The following MYLK variants were observed in gnomAD, a reference collection of about 807,000 sequenced individuals.
The protein encoded by MYLK is myosin light chain kinase.
A neutral mutation model predicts 203.4 loss-of-function variants in MYLK; 106 were observed. The ratio of observed to expected loss-of-function variants is 0.52; its 90% CI spans 0.45 to 0.61. The LOEUF (loss-of-function observed/expected upper bound fraction) is 0.61, where lower values mean the gene tolerates loss of function less well. MYLK is among the 20% of genes least tolerant of loss of function. MYLK has a pLI of 0.00. For missense variants in MYLK, 2,072 were observed against 2,442.3 expected (o/e 0.85, Z 3.20); for synonymous variants, 867 against 959.5 (o/e 0.90, Z 1.78).
intron 2 of MYLK, among the ~76,000 whole-genome samples, chr3:123,837,790 T>G (rs1322951871): frequency 6.6e-6 from 1 of 151,718 alleles, no homozygotes; most frequent in Non-Finnish European, 1.5e-5. Flanking sequence ...TTCAACAGGC[T>G]CACAAGCACA....
rs574031749 is a variant in MYLK at position 123,680,554 on chromosome 3, T to C, written c.3652+1670A>G. On this transcript the variant is annotated intron_variant, in intron 20 of 33. Transcript: ENST00000360304. Reference sequence around the variant, plus strand: ...TTATGTATGCATTTCCAACAACTTATTAAATGTCCATTCTTGATATTCTCA... The same window carrying C: ...TTATGTATGCATTTCCAACAACTTACTAAATGTCCATTCTTGATATTCTCA... 4.6e-5 allele frequency among the ~76,000 whole-genome samples: 7 copies of C among 152,352 alleles called. No individual in the cohort carries two copies. In the South Asian group the frequency reaches 8.3e-4, roughly 18 times the overall value.
At position 123,692,791 on chromosome 3, in the gene MYLK, C is replaced by G; in HGVS notation, c.3509G>C (p.Cys1170Ser). The G allele has an allele frequency of 6.2e-7, 1 of 1,614,092 alleles. No homozygotes were observed. The highest frequency in any genetic ancestry group is 8.5e-7 in the Non-Finnish European group (1 of 1,180,022). ...CTGGCCAGCGTCATTCTTGGCTACACACTTGTATAAGCCTCTGTCCTCAGG... is the reference window on the plus strand; with the variant it reads ...CTGGCCAGCGTCATTCTTGGCTACAGACTTGTATAAGCCTCTGTCCTCAGG... ...ALPEDRGLYK[C>S]VAKNDAGQAE... Residue 1170 changes from cysteine to serine, a missense_variant, in exon 19 of 34, where the codon TGT (cysteine) becomes TCT (serine). Around this residue, in one of 3 missense-constraint regions of MYLK, gnomAD observed 865 missense variants for 1,016.0 expected, o/e 0.85. Coordinates refer to ENST00000360304, the MANE Select transcript of MYLK (RefSeq NM_053025.4).
chr3:123,653,990 GTGT>G lies in MYLK; in HGVS notation c.4288+3133_4288+3135del, dbSNP rs1560022690. On this transcript the variant is annotated intron_variant, in intron 24 of 33. Transcript: ENST00000360304. ...TCTGCTCATTTCAGAGGGATGTTGT[GTGT>G]GTGTGTGTGTGTGTGTGTGTGTGTG... 5.5e-3 allele frequency among the ~76,000 whole-genome samples: 673 copies of G among 123,164 alleles called. 2 individuals are homozygous for G. The highest frequency in any genetic ancestry group is 0.025 in the African/African-American group (656 of 26,698). 80.8% of individuals were successfully genotyped at this position (123,164 alleles called of 152,430 possible).
Position 123,749,126 on chromosome 3 carries a change from T to G in MYLK, c.373+3205A>C, listed in dbSNP as rs867837232. On this transcript the variant is annotated intron_variant, in intron 5 of 33. Transcript: ENST00000360304. ...ACATACATACATACATACAAATACA[T>G]AAATTAGCTCAGTGTAGTGGTGCAG... Among the ~76,000 whole-genome samples, 18 of 137,098 alleles carry G rather than the reference T, an allele frequency of 1.3e-4. No individual in the cohort carries two copies. The Middle Eastern group carries it at 0.015, about 116-fold the overall frequency. 89.9% of individuals were successfully genotyped at this position (137,098 alleles called of 152,430 possible).
intron 2 of MYLK, among the ~76,000 whole-genome samples, chr3:123,856,645 A>C (rs1276366039): frequency 6.6e-6 from 1 of 152,208 alleles, no homozygotes; most frequent in Non-Finnish European, 1.5e-5. Context: ...CAATATAGGA[A>C]ACAGGCTCAG....
chr3:123,754,985 T>C (rs1386667096), intron 4 of MYLK, among the ~76,000 whole-genome samples: 1 of 152,236 alleles, frequency 6.6e-6, no homozygotes, highest in Admixed American at 6.5e-5. Flanking sequence ...GAAACGTTCA[T>C]GCATGGGAAC....
intron 1 of MYLK, among the ~76,000 whole-genome samples, chr3:123,878,685 T>C (rs2033311643): frequency 6.6e-6 from 1 of 152,210 alleles, no homozygotes; most frequent in Non-Finnish European, 1.5e-5. Flanking sequence ...ATGCTGGCTC[T>C]ACTACTTGGA....
chr3:123,852,304 G>C (rs553341586), intron 2 of MYLK, among the ~76,000 whole-genome samples: 13 of 152,230 alleles, frequency 8.5e-5, no homozygotes, highest in African/African-American at 3.1e-4. Flanking sequence ...GATTGGAATG[G>C]TACCAGCTCC....
chr3:123,821,379 A>AT (rs2065932725), intron 3 of MYLK, among the ~76,000 whole-genome samples: 1 of 152,210 alleles, frequency 6.6e-6, no homozygotes, highest in Admixed American at 6.5e-5. Context: ...TTAGTCTGTG[A>AT]TGGCTTTAAT....
In MYLK at chr3:123,733,870, G is replaced by A. The variant is rs767114476; in HGVS notation, c.1126C>T (p.Pro376Ser). The A allele has an allele frequency of 1.2e-6, 2 of 1,614,126 alleles. No individual in the cohort carries two copies. Among genetic ancestry groups the A allele is most frequent in the Non-Finnish European group, 1.7e-6 (2 of 1,180,044 alleles). ...PSGEERKRPA[P>S]PRPATFPTRQ... The stretch of plus-strand genomic sequence containing the variant: ...GTGGGGAAGGTGGCTGGACGGGGAG[G>A]AGCTGGCCTCTTCCTCTCTTCTCCA... Residue 376 changes from proline to serine, a missense_variant, in exon 10 of 34, where the codon CCT (proline) becomes TCT (serine). Physicochemically the swap from Pro to Ser is moderately conservative, Grantham distance 74. Around this residue, in one of 3 missense-constraint regions of MYLK, gnomAD observed 683 missense variants for 643.8 expected, o/e 1.06. Transcript: ENST00000360304.
At chr3:123,684,012 T>C (rs766904749) in intron 19 of MYLK, among the ~76,000 whole-genome samples, 4 of 152,184 alleles carry the variant, frequency 2.6e-5, no homozygotes, top group Non-Finnish European at 5.9e-5. Flanking sequence ...TAACCCAGCA[T>C]GCCAGTTCCA....
At chr3:123,770,613 AG>A (rs2063848558) in intron 4 of MYLK, among the ~76,000 whole-genome samples, 1 of 152,224 alleles carries the variant, frequency 6.6e-6, no homozygotes, top group African/African-American at 2.4e-5. Context: ...AAGGTGTGTG[AG>A]GGGGTGATGC....
rs144545134 is a variant in MYLK, at chr3:123,766,891, C to T, written c.166-14353G>A. 1.9e-3 allele frequency among the ~76,000 whole-genome samples: 293 copies of T among 152,334 alleles called. 1 individual carries two copies. The highest frequency in any genetic ancestry group is 6.8e-3 in the African/African-American group (282 of 41,578). ...CAATCAGGACCCATTGTGAGCAAAC[C>T]TTGCCTGCGGTTGTTCTCTGGGTAT... On this transcript the variant is annotated intron_variant, in intron 4 of 33. Transcript: ENST00000360304.
chr3:123,712,898 C>A (rs2061751429), intron 13 of MYLK, among the ~76,000 whole-genome samples: 1 of 152,226 alleles, frequency 6.6e-6, no homozygotes, highest in Non-Finnish European at 1.5e-5. Flanking sequence ...CACATCTATC[C>A]ACTTGGGCTC....
In MYLK at chr3:123,855,116, G is replaced by A. The variant is rs143750728; in HGVS notation, c.-127+21443C>T. ...TTTCAAAGTATTAGGAGACACTTTT[G>A]TTCTGAGAACTCATGTTGTTACTCA... On this transcript the variant is annotated intron_variant, in intron 2 of 33. Transcript: ENST00000360304. 8.4e-3 allele frequency among the ~76,000 whole-genome samples: 1,274 copies of A among 151,698 alleles called. 16 individuals are homozygous for A. Among genetic ancestry groups the A allele is most frequent in the South Asian group, 0.062 (296 of 4,806 alleles).
chr3:123,812,390 C>T (rs1014891117), intron 3 of MYLK, among the ~76,000 whole-genome samples: 1 of 152,196 alleles, frequency 6.6e-6, no homozygotes, highest in Non-Finnish European at 1.5e-5. Flanking sequence ...CCCCACCCAA[C>T]CTCTCTAGGA....
intron 2 of MYLK, among the ~76,000 whole-genome samples, chr3:123,847,494 A>C (rs2700396): frequency 1.3e-5 from 2 of 152,024 alleles, no homozygotes; most frequent in African/African-American, 4.8e-5. Context: ...ACTTTATTGA[A>C]AGCGAGCCTG....
chr3:123,790,762 C>T (rs2064747897), intron 4 of MYLK, among the ~76,000 whole-genome samples: 2 of 152,206 alleles, frequency 1.3e-5, no homozygotes, highest in South Asian at 2.1e-4. Flanking sequence ...AGAACTTTCT[C>T]ACATCTGTGG....
intron 4 of MYLK, among the ~76,000 whole-genome samples, chr3:123,789,996 G>A (rs1322245118): frequency 6.6e-6 from 1 of 152,098 alleles, no homozygotes; most frequent in East Asian, 1.9e-4. Flanking sequence ...AATACTTTCG[G>A]TAACATTTCC....
Sources: allele counts gnomAD v4.1 joint callset (sites outside exome capture counted in the v4.1 genomes callset), GRCh38; gene constraint gnomAD v4.1.1; regional missense constraint gnomAD v4.1.1; transcripts MANE v1.5; gene names NCBI Gene and HGNC (gene_info 2026-07-23, HGNC 2026-07-21).